Variants in MIPEP observed in about 807,000 individuals in gnomAD.
MIPEP encodes mitochondrial intermediate peptidase.
Under a neutral mutation model 90.3 loss-of-function variants are expected in MIPEP, and 79 were observed. That is an observed-to-expected ratio of 0.87 (90% CI 0.73 to 1.05). The LOEUF is 1.05. Among genes scored for constraint, MIPEP ranks in the 50% least tolerant of loss-of-function variants. The pLI is 0.00. For synonymous variants in MIPEP, 334 were observed against 315.8 expected (o/e 1.06, Z -0.61); for missense variants, 940 against 905.6 (o/e 1.04, Z -0.49).
intron 10 of MIPEP, among the ~76,000 whole-genome samples, chr13:23,853,159 T>C (rs1869881429): frequency 1.3e-5 from 2 of 152,168 alleles, no homozygotes; most frequent in South Asian, 4.1e-4. Flanking sequence ...GAAAGAACCA[T>C]ATCTTTCTAT....
Position 23,836,139 on chromosome 13 carries a change from G to A in MIPEP, c.1653+101C>T, listed in dbSNP as rs7982516. 324,448 of 622,878 alleles carry A rather than the reference G, an allele frequency of 0.52. 88,257 individuals are homozygous for A. Among genetic ancestry groups the A allele is most frequent in the South Asian group, 0.62 (19,139 of 30,634 alleles). 38.6% of individuals were successfully genotyped at this position (622,878 alleles called of 1,614,324 possible). On this transcript the variant is annotated intron_variant, in intron 14 of 18. Transcript: ENST00000382172. The stretch of plus-strand genomic sequence containing the variant: ...CAATAAAAGGTTTGTTACTAACAGA[G>A]GGTGAGTTCTGAAAAGCAAGAAGAG...
chr13:23,847,644 G>C (rs1869609522), intron 10 of MIPEP, among the ~76,000 whole-genome samples: 1 of 152,074 alleles, frequency 6.6e-6, no homozygotes, highest in African/African-American at 2.4e-5. Flanking sequence ...GGAGAGAGTA[G>C]GACTGGGGGA....
At chr13:23,787,690 G>A (rs1293969027) in intron 16 of MIPEP, among the ~76,000 whole-genome samples, 1 of 152,116 alleles carries the variant, frequency 6.6e-6, no homozygotes, top group Non-Finnish European at 1.5e-5. Flanking sequence ...TCAGCATTGC[G>A]AAAAGTCTAG....
At chr13:23,834,603 T>A (rs929851789) in intron 14 of MIPEP, among the ~76,000 whole-genome samples, 2 of 152,242 alleles carry the variant, frequency 1.3e-5, no homozygotes, top group Non-Finnish European at 2.9e-5. Flanking sequence ...CTGTCCTATG[T>A]CCTCAATAAA....
chr13:23,836,377 C>T (rs780740609), intron 13 of MIPEP, 28 bp from the exon 14 acceptor site: 4 of 1,373,674 alleles, frequency 2.9e-6, no homozygotes, highest in African/African-American at 3.0e-5. Flanking sequence ...AAAAAGTTGG[C>T]ATGAATCAAA....
chr13:23,869,320 A>T lies in MIPEP; in HGVS notation c.915T>A (p.Ala305=). Reference sequence around the variant, plus strand: ...GATTTTTAGCTATCGTTCCTTGGAGAGCCCTGTGAGAAAACGTGGAATACC... The same window carrying T: ...GATTTTTAGCTATCGTTCCTTGGAGTGCCCTGTGAGAAAACGTGGAATACC... ...LVGYSTFSHR[A]LQGTIAKNPE... is the part of the protein sequence containing the mutation. The change falls in exon 7 of 19, where the codon GCT becomes GCA. Residue 305 remains alanine, a synonymous_variant. Transcript: ENST00000382172. The T allele has an allele frequency of 2.5e-6, 4 of 1,610,026 alleles. No individual in the cohort carries two copies. The highest frequency in any genetic ancestry group is 3.4e-6 in the Non-Finnish European group (4 of 1,178,936).
intron 12 of MIPEP, 96 bp downstream of exon 12, chr13:23,839,553 A>T: frequency 1.4e-6 from 1 of 727,390 alleles, no homozygotes; most frequent in Non-Finnish European, 2.1e-6. Context: ...GTAACTTTTA[A>T]ATGTCATGGA....
chr13:23,793,431 T>C (rs1952921145), intron 16 of MIPEP, among the ~76,000 whole-genome samples: 1 of 152,198 alleles, frequency 6.6e-6, no homozygotes, highest in Non-Finnish European at 1.5e-5. Context: ...ACTGCAGATG[T>C]ATATATTTTG....
chr13:23,826,463 C>T (rs570538386), intron 14 of MIPEP, among the ~76,000 whole-genome samples: 1 of 152,126 alleles, frequency 6.6e-6, no homozygotes, highest in South Asian at 2.1e-4. Flanking sequence ...AGAATCAATA[C>T]CAGATAGACC....
chr13:23,786,221 G>A (rs1472789813), intron 16 of MIPEP, among the ~76,000 whole-genome samples: 4 of 151,960 alleles, frequency 2.6e-5, no homozygotes, highest in Non-Finnish European at 4.4e-5. Flanking sequence ...AGTGAGGACC[G>A]TATCTTAAAA....
At chr13:23,747,656 A>C (rs948046109) in intron 18 of MIPEP, 14 of 409,732 alleles carry the variant, frequency 3.4e-5, no homozygotes, top group Non-Finnish European at 5.3e-5. Context: ...TTTAGCCTGT[A>C]AAATATCCAA....
At chr13:23,880,696 G>A (rs1436021531) in intron 3 of MIPEP, among the ~76,000 whole-genome samples, 2 of 152,324 alleles carry the variant, frequency 1.3e-5, no homozygotes, top group African/African-American at 4.8e-5. Context: ...GCAGGGCCCC[G>A]TTCTGTCCCA....
At chr13:23,856,505 TA>T (rs1404717088) in intron 10 of MIPEP, among the ~76,000 whole-genome samples, 2 of 152,092 alleles carry the variant, frequency 1.3e-5, no homozygotes, top group African/African-American at 4.8e-5. Flanking sequence ...AAATGCAAAT[TA>T]AGGGGTGGGT....
intron 16 of MIPEP, among the ~76,000 whole-genome samples, chr13:23,804,017 T>G (rs577116669): frequency 9.2e-5 from 14 of 152,308 alleles, no homozygotes; most frequent in African/African-American, 3.1e-4. Context: ...CATCTTTCTA[T>G]TTTCTCAAAA....
chr13:23,847,013 GACA>G (rs1869576631), intron 10 of MIPEP, among the ~76,000 whole-genome samples: 1 of 152,030 alleles, frequency 6.6e-6, no homozygotes. Context: ...CCAAGGCTAC[GACA>G]ACAACTAAGT....
intron 12 of MIPEP, among the ~76,000 whole-genome samples, chr13:23,839,307 T>A (rs1303380251): frequency 6.6e-6 from 1 of 152,208 alleles, no homozygotes; most frequent in Admixed American, 6.5e-5. Context: ...CCTCATAATG[T>A]GAGTAACTAG....
chr13:23,871,313 C>CTAAGATTAAATATAAA (rs1870796636), intron 5 of MIPEP, among the ~76,000 whole-genome samples: 1 of 152,134 alleles, frequency 6.6e-6, no homozygotes, highest in African/African-American at 2.4e-5. Flanking sequence ...CATAAATGCT[C>CTAAGATTAAATATAAA]TAAGATTAAA....
chr13:23,790,542 G>A (rs1163879745), intron 16 of MIPEP, among the ~76,000 whole-genome samples: 1 of 151,762 alleles, frequency 6.6e-6, no homozygotes, highest in Non-Finnish European at 1.5e-5. Flanking sequence ...GTACGCCCTA[G>A]TCAGAACCAC....
chr13:23,813,522 C>A (rs1018928577), intron 14 of MIPEP, among the ~76,000 whole-genome samples: 1 of 152,160 alleles, frequency 6.6e-6, no homozygotes, highest in Non-Finnish European at 1.5e-5. Flanking sequence ...AGTACCGACA[C>A]AACCATCCAT....
Sources: gnomAD v4.1 joint callset for allele counts (sites outside exome capture counted in the v4.1 genomes callset) on GRCh38, gnomAD v4.1.1 for gene constraint, MANE v1.5 for transcripts, NCBI Gene and HGNC (gene_info 2026-07-23, HGNC 2026-07-21) for gene names.